Variants in QTMAN observed in about 807,000 individuals in gnomAD.
QTMAN encodes the protein queuosine-tRNA mannosyltransferase.
At chr2:144,105,601 ATGT>A in the QTMAN span, among the ~76,000 whole-genome samples, 9 of 152,230 alleles carry the variant, frequency 5.9e-5, no homozygotes, top group African/African-American at 2.2e-4. Context: ...ATATAAGACT[ATGT>A]GAAAAGACCA....
the QTMAN span, among the ~76,000 whole-genome samples, chr2:144,055,186 C>T: frequency 6.6e-6 from 1 of 152,124 alleles, no homozygotes; most frequent in Admixed American, 6.5e-5. Context: ...GACTCATGCA[C>T]TCCTAAATAT....
At chr2:144,312,181 CTT>C in the QTMAN span, among the ~76,000 whole-genome samples, 83 of 131,050 alleles carry the variant, frequency 6.3e-4, no homozygotes, top group Admixed American at 5.4e-4. Context: ...GAGTTACATT[CTT>C]TTTTTTTTTT....
the QTMAN span, among the ~76,000 whole-genome samples, chr2:144,100,970 T>C: frequency 4.7e-5 from 7 of 148,168 alleles, no homozygotes; most frequent in East Asian, 1.2e-3. Flanking sequence ...CCCGGGTTGA[T>C]GCCATTCTCC....
chr2:144,123,325 A>G, the QTMAN span, among the ~76,000 whole-genome samples: 8 of 152,280 alleles, frequency 5.3e-5, no homozygotes, highest in South Asian at 4.1e-4. Context: ...CAAAAGTGAC[A>G]GTAGCATTAC....
the QTMAN span, among the ~76,000 whole-genome samples, chr2:144,004,434 T>C: frequency 6.6e-6 from 1 of 152,028 alleles, no homozygotes; most frequent in Admixed American, 6.6e-5. Flanking sequence ...AATTTTCTAA[T>C]TCATATTCAC....
the QTMAN span, among the ~76,000 whole-genome samples, chr2:144,093,250 CA>C: frequency 5.3e-5 from 8 of 152,284 alleles, no homozygotes; most frequent in African/African-American, 1.9e-4. Flanking sequence ...TCAAGAGCAG[CA>C]AAGGGAACTG....
At chr2:144,180,205 G>GT in the QTMAN span, among the ~76,000 whole-genome samples, 100 of 152,058 alleles carry the variant, frequency 6.6e-4, 2 homozygotes, top group Admixed American at 1.3e-3. Flanking sequence ...AACGCTCACT[G>GT]TTTGTTTCAT....
the QTMAN span, among the ~76,000 whole-genome samples, chr2:144,199,049 C>CT: frequency 0.043 from 6,081 of 141,918 alleles, 147 homozygotes; most frequent in African/African-American, 0.069. Context: ...CTGTACTGTA[C>CT]TTTTTTTTTT....
the QTMAN span, among the ~76,000 whole-genome samples, chr2:144,106,070 C>T: frequency 6.6e-6 from 1 of 152,120 alleles, no homozygotes; most frequent in Non-Finnish European, 1.5e-5. Context: ...GATTTTGTCA[C>T]CACCAGGCCT....
the QTMAN span, chr2:143,950,980 TTC>T: frequency 6.6e-6 from 1 of 151,854 alleles, no homozygotes; most frequent in Non-Finnish European, 1.5e-5. Flanking sequence ...GCATTTTTGG[TTC>T]TCTCTCTTTT....
At chr2:143,983,602 A>G in the QTMAN span, among the ~76,000 whole-genome samples, 1 of 150,050 alleles carries the variant, frequency 6.7e-6, no homozygotes, top group African/African-American at 2.5e-5. Flanking sequence ...CCTCCCTAGT[A>G]GCTGGGACTA....
chr2:144,220,506 G>A, the QTMAN span, among the ~76,000 whole-genome samples: 5 of 152,270 alleles, frequency 3.3e-5, no homozygotes, highest in Admixed American at 1.3e-4. Flanking sequence ...ACATTCCAAT[G>A]ATACAAATAT....
chr2:144,215,163 G>A, the QTMAN span, among the ~76,000 whole-genome samples: 123 of 151,922 alleles, frequency 8.1e-4, no homozygotes, highest in Non-Finnish European at 1.5e-3. Context: ...AATCACTTGA[G>A]CCCAGGAGTT....
chr2:144,040,317 A>G, the QTMAN span, among the ~76,000 whole-genome samples: 3 of 152,132 alleles, frequency 2.0e-5, no homozygotes, highest in African/African-American at 7.2e-5. Context: ...CTGTACCCTC[A>G]TGATTGTCTT....
chr2:144,278,596 T>C, the QTMAN span, among the ~76,000 whole-genome samples: 1 of 151,560 alleles, frequency 6.6e-6, no homozygotes, highest in Non-Finnish European at 1.5e-5. Flanking sequence ...TTGCCCAAGA[T>C]GCACACCTCG....
At chr2:144,078,827 G>A in the QTMAN span, among the ~76,000 whole-genome samples, 1 of 152,090 alleles carries the variant, frequency 6.6e-6, no homozygotes, top group South Asian at 2.1e-4. Context: ...AAACCAGGCT[G>A]TCTCTGCAAA....
chr2:144,277,310 A>G, the QTMAN span, among the ~76,000 whole-genome samples: 1 of 152,144 alleles, frequency 6.6e-6, no homozygotes, highest in South Asian at 2.1e-4. Context: ...AATAAATTAG[A>G]CGCTATACTT....
chr2:144,039,513 C>T, the QTMAN span, among the ~76,000 whole-genome samples: 1 of 152,080 alleles, frequency 6.6e-6, no homozygotes, highest in Non-Finnish European at 1.5e-5. Flanking sequence ...TTTGAGGTTT[C>T]CTCCAAAATA....
the QTMAN span, among the ~76,000 whole-genome samples, chr2:143,992,338 A>T: frequency 6.8e-6 from 1 of 147,788 alleles, no homozygotes; most frequent in Non-Finnish European, 1.5e-5. Context: ...TGAAGGCAGC[A>T]TGCTCGTTAA....
Sources: allele counts gnomAD v4.1 joint callset (sites outside exome capture counted in the v4.1 genomes callset), GRCh38; gene constraint gnomAD v4.1.1; transcripts MANE v1.5; gene names NCBI Gene and HGNC (gene_info 2026-07-23, HGNC 2026-07-21).